STEEP1: variants seen among roughly 807,000 people sequenced by gnomAD.
STEEP1 encodes the protein STING1 ER exit protein 1.
A neutral mutation model predicts 19.2 loss-of-function variants in STEEP1; 3 were observed. The observed-to-expected ratio is 0.16, with a 90% CI of 0.07 to 0.40. The LOEUF is 0.40. STEEP1 is among the 10% of genes least tolerant of loss of function. STEEP1 has a pLI of 0.99. For missense variants in STEEP1, 54 were observed against 177.1 expected (o/e 0.30, Z 3.94); for synonymous variants, 46 against 63.7 (o/e 0.72, Z 1.32).
chrX:119,558,123 G>C lies in STEEP1; in HGVS notation c.242+2145C>G, dbSNP rs756050177. ...GGGGTTTCACTACGTTGGCCAGCCT[G>C]GTCTCGAACTCCTGGTCTCAAGTGA... is the stretch of plus-strand genomic sequence containing the variant. On this transcript the variant is annotated intron_variant, in intron 2 of 6. Transcript: ENST00000644802. Among the ~76,000 whole-genome samples the C allele has an allele frequency of 8.7e-3, 958 of 110,706 alleles. 1 individual carries two copies. Among genetic ancestry groups the C allele is most frequent in the Middle Eastern group, 0.014 (3 of 213 alleles).
In STEEP1 at chrX:119,539,560, T is replaced by G; in HGVS notation, c.*167A>C. The G allele has an allele frequency of 2.7e-6, 1 of 370,779 alleles. No individual in the cohort carries two copies. Among genetic ancestry groups the G allele is most frequent in the Non-Finnish European group, 4.7e-6 (1 of 214,013 alleles). The allele number at this position is 370,779 out of a possible 1,213,427, so 30.6% of individuals were successfully genotyped here. A position where few individuals can be genotyped will look rare whatever the true frequency, so the allele number is the denominator to read the frequency against. The stretch of plus-strand genomic sequence containing the variant: ...AAAAAAAAAAAAAAAAGAAAGCAAG[T>G]TAAATGGACTCAGTTAAAGACCTCA... On this transcript the variant is annotated 3_prime_UTR_variant, in exon 7 of 7. Transcript: ENST00000644802.
chrX:119,556,789 A>C (rs1410998692), intron 2 of STEEP1, among the ~76,000 whole-genome samples: 1 of 110,807 alleles, frequency 9.0e-6, no homozygotes, highest in African/African-American at 3.3e-5. Flanking sequence ...TCATCAGCAT[A>C]AAAGTGTAAC....
chrX:119,562,369 T>C (rs2053325941), intron 1 of STEEP1, among the ~76,000 whole-genome samples: 2 of 110,877 alleles, frequency 1.8e-5, no homozygotes, highest in Non-Finnish European at 1.9e-5. Context: ...CTGTCTCTAC[T>C]AAAAAAATAC....
At position 119,539,548 on chromosome X, in the gene STEEP1, AAAG is replaced by A; in HGVS notation, c.*176_*178del. 1 of 326,940 alleles carries A rather than the reference AAAG, an allele frequency of 3.1e-6. No homozygotes were observed. Among genetic ancestry groups the A allele is most frequent in the Non-Finnish European group, 5.3e-6 (1 of 187,518 alleles). 26.9% of individuals were successfully genotyped at this position (326,940 alleles called of 1,213,427 possible). ...TTTATCTCAAAAAAAAAAAAAAAAA[AAAG>A]AAAGCAAGTTAAATGGACTCAGTTA... On this transcript the variant is annotated 3_prime_UTR_variant, in exon 7 of 7. Coordinates refer to ENST00000644802, the MANE Select transcript of STEEP1 (RefSeq NM_022101.4).
Position 119,556,469 on chromosome X carries a change from G to C in STEEP1, c.242+3799C>G, listed in dbSNP as rs113549523. On this transcript the variant is annotated intron_variant, in intron 2 of 6. Transcript: ENST00000644802. ...GTGGTTGCAGGCACCTGTAGTCCCA[G>C]CTACTCAGGAGGCTGAGGCAGGAGA... 2.5e-3 allele frequency among the ~76,000 whole-genome samples: 274 copies of C among 109,930 alleles called. 1 individual carries two copies. Among genetic ancestry groups the C allele is most frequent in the African/African-American group, 8.4e-3 (253 of 30,240 alleles).
At chrX:119,548,372 A>G (rs1297979350) in intron 2 of STEEP1, among the ~76,000 whole-genome samples, 1 of 108,869 alleles carries the variant, frequency 9.2e-6, no homozygotes, top group Non-Finnish European at 1.9e-5. Flanking sequence ...CATCTCTACT[A>G]AGATACAAAA....
intron 1 of STEEP1, among the ~76,000 whole-genome samples, chrX:119,562,297 C>T (rs1239011780): frequency 1.8e-5 from 2 of 111,249 alleles, no homozygotes; most frequent in African/African-American, 3.3e-5. Context: ...TTTGGGAGGC[C>T]GAGGCTGGCG....
At chrX:119,545,796 G>A (rs1326683676) in intron 2 of STEEP1, among the ~76,000 whole-genome samples, 3 of 109,375 alleles carry the variant, frequency 2.7e-5, no homozygotes, top group Non-Finnish European at 5.7e-5. Flanking sequence ...GGGAGGCTGA[G>A]GCAGGAGAAT....
At chrX:119,552,754 C>G (rs1424383792) in intron 2 of STEEP1, among the ~76,000 whole-genome samples, 2 of 112,715 alleles carry the variant, frequency 1.8e-5, no homozygotes, top group African/African-American at 6.4e-5. Flanking sequence ...ATTCCTTTCT[C>G]TAGGGCAGAG....
At chrX:119,565,096 G>C in intron 1 of STEEP1, 136 bp downstream of exon 1, 1 of 1,020,682 alleles carries the variant, frequency 9.8e-7, no homozygotes, top group Non-Finnish European at 1.3e-6. Flanking sequence ...GATGCGTAGG[G>C]AGGATTTAGT....
At chrX:119,561,189 A>G (rs1226818581) in intron 1 of STEEP1, among the ~76,000 whole-genome samples, 4 of 107,960 alleles carry the variant, frequency 3.7e-5, no homozygotes, top group Non-Finnish European at 7.7e-5. Context: ...CAGTGAGCCA[A>G]TATTGTGCCA....
intron 1 of STEEP1, among the ~76,000 whole-genome samples, chrX:119,561,729 G>A (rs2053322219): frequency 9.0e-6 from 1 of 110,985 alleles, no homozygotes; most frequent in African/African-American, 3.3e-5. Flanking sequence ...AGCACCTAAA[G>A]GATCACAGAG....
At chrX:119,561,484 T>A (rs1217284780) in intron 1 of STEEP1, among the ~76,000 whole-genome samples, 1 of 109,978 alleles carries the variant, frequency 9.1e-6, no homozygotes, top group Non-Finnish European at 1.9e-5. Flanking sequence ...CTGGCCAACA[T>A]ATAGCGAAAC....
Position 119,544,504 on chromosome X carries a change from A to C in STEEP1, c.285-13T>G. The C allele has an allele frequency of 8.3e-7, 1 of 1,205,258 alleles. No homozygotes were observed. Among genetic ancestry groups the C allele is most frequent in the Non-Finnish European group, 1.1e-6 (1 of 891,521 alleles). Reference sequence around the variant, plus strand: ...CGGCAGTCCACACCTGCAATGACACAGTGAATTTCTGCGAGGTCTCATAAT... The same window carrying C: ...CGGCAGTCCACACCTGCAATGACACCGTGAATTTCTGCGAGGTCTCATAAT... On this transcript the variant is annotated splice_polypyrimidine_tract_variant and intron_variant, in intron 3 of 6. Transcript: ENST00000644802.
At chrX:119,541,540 G>C in intron 5 of STEEP1, 120 bp from the exon 6 acceptor site, 1 of 454,734 alleles carries the variant, frequency 2.2e-6, no homozygotes, top group Non-Finnish European at 3.9e-6. Flanking sequence ...GCAGGACTCT[G>C]TTCCTTTTCC....
intron 3 of STEEP1, among the ~76,000 whole-genome samples, 171 bp from the exon 4 acceptor site, chrX:119,544,662 C>CG (rs746892779): frequency 8.9e-6 from 1 of 112,332 alleles, no homozygotes; most frequent in Admixed American, 9.5e-5. Context: ...TCACTTAGGC[C>CG]GGGCGTGGTG....
At chrX:119,545,261 G>A (rs1390435073) in intron 3 of STEEP1, among the ~76,000 whole-genome samples, 1 of 108,370 alleles carries the variant, frequency 9.2e-6, no homozygotes, top group Non-Finnish European at 1.9e-5. Flanking sequence ...GCTGAGGCAG[G>A]AGAATCGCTT....
At chrX:119,551,339 G>A (rs935780881) in intron 2 of STEEP1, among the ~76,000 whole-genome samples, 1 of 109,889 alleles carries the variant, frequency 9.1e-6, no homozygotes, top group African/African-American at 3.3e-5. Context: ...AATTAGCCGG[G>A]CATGGTGGTA....
chrX:119,545,185 C>A (rs1366260206), intron 3 of STEEP1, among the ~76,000 whole-genome samples: 2 of 60,820 alleles, frequency 3.3e-5, no homozygotes, highest in Non-Finnish European at 7.1e-5. Flanking sequence ...GAAACCCTGT[C>A]TCTACTAAAA....
Sources: allele counts gnomAD v4.1 joint callset (sites outside exome capture counted in the v4.1 genomes callset), GRCh38; gene constraint gnomAD v4.1.1; transcripts MANE v1.5; gene names NCBI Gene and HGNC (gene_info 2026-07-23, HGNC 2026-07-21).